Variants in RAD51D observed in about 807,000 individuals in gnomAD.
RAD51D encodes RAD51 paralog D.
Under a neutral mutation model 44.1 loss-of-function variants are expected in RAD51D, and 38 were observed. That is an observed-to-expected ratio of 0.86 (90% confidence interval 0.67 to 1.13). The LOEUF is 1.13. Ranked by LOEUF, RAD51D falls within the 50% of genes most tolerant of loss-of-function variation. The probability of loss-of-function intolerance (pLI) is 0.00; values close to 1 mark genes in which losing one functional copy is unlikely to be tolerated. For missense variants in RAD51D, 390 were observed against 414.0 expected, an observed-to-expected ratio of 0.94 and a Z score of 0.50; for synonymous variants, 141 against 166.6, an observed-to-expected ratio of 0.85 and a Z score of 1.18.
chr17:35,107,342 C>T (rs764243244), intron 4 of RAD51D, 24 bp downstream of exon 4: 1 of 1,531,308 alleles, frequency 6.5e-7, no homozygotes, highest in South Asian at 1.1e-5. Flanking sequence ...CCTAAATCCT[C>T]CTGACTGCTG....
intron 1 of RAD51D, 157 bp from the exon 2 acceptor site, chr17:35,119,329 G>T: frequency 2.2e-6 from 2 of 894,794 alleles, no homozygotes; most frequent in Non-Finnish European, 3.6e-6. Flanking sequence ...CCGGCGCGGT[G>T]CCCTGCACAC....
intron 3 of RAD51D, among the ~76,000 whole-genome samples, chr17:35,114,139 G>A (rs111408430): frequency 2.0e-5 from 3 of 152,254 alleles, no homozygotes; most frequent in African/African-American, 7.2e-5. Context: ...GGGCGTGGTG[G>A]CGGGCGCCTG....
At chr17:35,106,609 A>C (rs941317393) in intron 5 of RAD51D, 128 bp from the exon 6 acceptor site, 3 of 746,078 alleles carry the variant, frequency 4.0e-6, no homozygotes, top group Non-Finnish European at 7.0e-6. Context: ...AGCTTTGTCT[A>C]ATGGTCAGTT....
chr17:35,117,043 G>A, intron 3 of RAD51D: 2 of 1,608,746 alleles, frequency 1.2e-6, no homozygotes, highest in Non-Finnish European at 8.5e-7. Context: ...CATGTCTGTT[G>A]GATTTATAAA....
At chr17:35,101,161 A>G (rs2091531041) in intron 9 of RAD51D, 40 bp downstream of exon 9, 1 of 1,613,146 alleles carries the variant, frequency 6.2e-7, no homozygotes, top group African/African-American at 1.3e-5. Context: ...ACCACCCTCC[A>G]GGGCCCAAGA....
At position 35,101,030 on chromosome 17, in the gene RAD51D, C is replaced by A. The variant is rs759392029; in HGVS notation, c.910G>T (p.Gly304Cys). 10 of 1,613,620 alleles carry A rather than the reference C, an allele frequency of 6.2e-6. No homozygotes were observed. Among genetic ancestry groups the A allele is most frequent in the Non-Finnish European group, 8.5e-6 (10 of 1,179,622 alleles). ...CLAKSSRQPT[G>C]FQEMVDIGTW... ...CCAATGTCTACCATCTCCTGGAAACCTGTTGGCTGGAAGAAGAAGTAAGGA... is the reference window on the plus strand; with the variant it reads ...CCAATGTCTACCATCTCCTGGAAACATGTTGGCTGGAAGAAGAAGTAAGGA... Residue 304 changes from glycine (G) to cysteine (C), a missense_variant, in exon 10 of 10, where the codon GGT becomes TGT. Transcript: ENST00000345365.
chr17:35,117,104 C>G, intron 3 of RAD51D: 1 of 1,514,584 alleles, frequency 6.6e-7, no homozygotes, highest in East Asian at 2.3e-5. Flanking sequence ...CCCTCCTTAC[C>G]GTTGCCTCCC....
At chr17:35,116,913 T>A in intron 3 of RAD51D, 1 of 1,607,542 alleles carries the variant, frequency 6.2e-7, no homozygotes, top group Non-Finnish European at 8.5e-7. Flanking sequence ...CGAAAGTCCA[T>A]CTGTTCCTCC....
Position 35,103,293 on chromosome 17 carries a change from C to A in RAD51D, c.699G>T (p.Glu233Asp). Residue 233 changes from glutamate to aspartate, a missense_variant, in exon 8 of 10, where the codon GAG becomes GAT. Glu to Asp is a conservative substitution (Grantham distance 45). Coordinates refer to ENST00000345365, the MANE Select transcript of RAD51D (RefSeq NM_002878.4). This position sits in a 1 kb window ranked among gnomAD's most constrained non-coding sequence, Gnocchi z 4.1. Reference protein sequence around the residue: ...GLALMMQLARELKTLARDLGM... With the variant: ...GLALMMQLARDLKTLARDLGM... ...CAAGGTCCCGGGCCAGGGTCTTCAG[C>A]TCTCGGGCCAGCTGCATCATCAAGG... 1 of 1,611,848 alleles carries A rather than the reference C, an allele frequency of 6.2e-7. No individual in the cohort carries two copies. The highest frequency in any genetic ancestry group is 1.3e-5 in the African/African-American group (1 of 75,040).
At chr17:35,101,486 A>G (rs2091538266) in intron 8 of RAD51D, 121 bp from the exon 9 acceptor site, 1 of 1,108,496 alleles carries the variant, frequency 9.0e-7, no homozygotes, top group Admixed American at 1.9e-5. Flanking sequence ...CCCCAAGGTT[A>G]CAAAACCTAA....
At chr17:35,112,767 C>A (rs144281984) in intron 3 of RAD51D, among the ~76,000 whole-genome samples, 1 of 152,248 alleles carries the variant, frequency 6.6e-6, no homozygotes, top group Non-Finnish European at 1.5e-5. Context: ...GGTCTTGTAT[C>A]CTCACTAGTC....
At position 35,101,260 on chromosome 17, in the gene RAD51D, C is replaced by T. The variant is rs1447892901; in HGVS notation, c.844G>A (p.Glu282Lys). Residue 282 changes from glutamate to lysine, a missense_variant, in exon 9 of 10, where the codon GAG (glutamate) becomes AAG (lysine). Coordinates refer to ENST00000345365, the MANE Select transcript of RAD51D (RefSeq NM_002878.4). ...CGGCCGCCTGATGCTCCTGCTCCCT[C>T]GATGGTGTCCAGGAGAATCCGAGTG... ...PSTRILLDTI[E>K]GAGASGGRRM... 9 of 1,614,170 alleles carry T rather than the reference C, an allele frequency of 5.6e-6. No homozygotes were observed. The highest frequency in any genetic ancestry group is 4.4e-5 in the South Asian group (4 of 91,086).
chr17:35,119,668 C>G lies in RAD51D; in HGVS notation c.-55G>C. The stretch of plus-strand genomic sequence containing the variant: ...GGACTGCACGTCACGTGGGCATTCG[C>G]GGGGGGTCCTCTCCAGACGCCCCTC... On this transcript the variant is annotated 5_prime_UTR_variant, in exon 1 of 10. Transcript: ENST00000345365. The G allele has an allele frequency of 6.3e-7, 1 of 1,580,524 alleles. No individual in the cohort carries two copies. Among genetic ancestry groups the G allele is most frequent in the South Asian group, 1.1e-5 (1 of 90,654 alleles).
Position 35,094,568 on chromosome 17 carries a change from T to G in RAD51D, c.*6385A>C, listed in dbSNP as rs2091475903. 6.6e-6 allele frequency: 1 copy of G among 152,214 alleles called. No individual in the cohort carries two copies. The highest frequency in any genetic ancestry group is 2.4e-5 in the African/African-American group (1 of 41,458). The allele number at this position is 152,214 out of a possible 1,614,324, so 9.4% of individuals were successfully genotyped here. On this transcript the variant is annotated 3_prime_UTR_variant, in exon 10 of 10. Transcript: ENST00000345365. ...TCTGATCCCGCTTTTTATGGTGAGC[T>G]AAGCTGAAAAGAGGTTGGGATGTGC...
Position 35,103,851 on chromosome 17 carries a change from G to A in RAD51D, c.577-307C>T, listed in dbSNP as rs923190324. Among the ~76,000 whole-genome samples the A allele has an allele frequency of 7.9e-5, 12 of 152,248 alleles. No individual in the cohort carries two copies. The highest frequency in any genetic ancestry group is 2.2e-4 in the African/African-American group (9 of 41,470). On this transcript the variant is annotated intron_variant, in intron 6 of 9. Transcript: ENST00000345365. This position sits in a 1 kb window ranked among gnomAD's most constrained non-coding sequence, Gnocchi z 4.1. ...CCCAGCACTTTGGGAGGCCAAGGCG[G>A]TGGATCACTTGAGGTCAGGAGTTCG...
At position 35,119,841 on chromosome 17, in the gene RAD51D, C is replaced by A; in HGVS notation, c.-228G>T. On this transcript the variant is annotated 5_prime_UTR_variant, in exon 1 of 10. Coordinates refer to ENST00000345365, the MANE Select transcript of RAD51D (RefSeq NM_002878.4). Reference sequence around the variant, plus strand: ...CGCGCCCAGAGCCCGCCCGCCGGGTCGCGCCGCGCTGCCGCTTCCGGGTTC... The same window carrying A: ...CGCGCCCAGAGCCCGCCCGCCGGGTAGCGCCGCGCTGCCGCTTCCGGGTTC... 1.5e-6 allele frequency: 1 copy of A among 672,212 alleles called. No homozygotes were observed. The highest frequency in any genetic ancestry group is 2.7e-6 in the Non-Finnish European group (1 of 369,704). 41.6% of individuals were successfully genotyped at this position (672,212 alleles called of 1,614,324 possible). A position where few individuals can be genotyped will look rare whatever the true frequency, so the allele number is the denominator to read the frequency against.
intron 1 of RAD51D, 78 bp from the exon 2 acceptor site, chr17:35,119,250 T>G (rs1246209786): frequency 2.2e-6 from 3 of 1,342,266 alleles, no homozygotes; most frequent in Non-Finnish European, 3.2e-6. Context: ...ATCTGTCAAA[T>G]GGGGTGTCAA....
chr17:35,109,390 C>T (rs1474968763), intron 3 of RAD51D, among the ~76,000 whole-genome samples: 5 of 152,076 alleles, frequency 3.3e-5, no homozygotes, highest in Non-Finnish European at 7.4e-5. Context: ...TGTATAAACC[C>T]AAGTTTTTAC....
chr17:35,118,408 C>T, intron 3 of RAD51D, 93 bp downstream of exon 3: 1 of 1,030,066 alleles, frequency 9.7e-7, no homozygotes. Flanking sequence ...AAAAAAAAAA[C>T]CCCTCCCGTC....
Sources: allele counts gnomAD v4.1 joint callset (sites outside exome capture counted in the v4.1 genomes callset), GRCh38; gene constraint gnomAD v4.1.1; non-coding constraint Gnocchi (gnomAD v3.1); transcripts MANE v1.5; gene names NCBI Gene and HGNC (gene_info 2026-07-23, HGNC 2026-07-21).